The following VTI1A variants were observed in gnomAD, a reference collection of about 807,000 sequenced individuals.
VTI1A encodes vesicle transport through interaction with t-SNAREs 1A.
Under a neutral mutation model 34.9 loss-of-function variants are expected in VTI1A, and 22 were observed. The ratio of observed to expected loss-of-function variants is 0.63; its 90% CI spans 0.45 to 0.90. The LOEUF (loss-of-function observed/expected upper bound fraction) is 0.90, where lower values mean the gene tolerates loss of function less well. Ranked by LOEUF, VTI1A falls within the 40% of genes least tolerant of loss-of-function variation. The pLI, the probability that VTI1A is intolerant of heterozygous loss-of-function variation, is 0.00. For missense variants in VTI1A, 268 were observed against 275.6 expected (o/e 0.97, Z 0.20); for synonymous variants, 87 against 97.3 (o/e 0.89, Z 0.62).
At chr10:112,531,037 G>A (rs2134233661) in intron 4 of VTI1A, among the ~76,000 whole-genome samples, 1 of 149,036 alleles carries the variant, frequency 6.7e-6, no homozygotes, top group East Asian at 2.0e-4. Flanking sequence ...AAAAAATTCG[G>A]TAGTTCTGGG....
At chr10:112,637,411 G>A (rs1029326047) in intron 5 of VTI1A, among the ~76,000 whole-genome samples, 1 of 152,232 alleles carries the variant, frequency 6.6e-6, no homozygotes, top group Non-Finnish European at 1.5e-5. Context: ...GCTCACGCCT[G>A]TAATCCCAGC....
At chr10:112,525,282 CAG>C (rs1036841684) in intron 3 of VTI1A, among the ~76,000 whole-genome samples, 2 of 152,164 alleles carry the variant, frequency 1.3e-5, no homozygotes, top group African/African-American at 4.8e-5. Flanking sequence ...AGACTTACTG[CAG>C]AAGTCAAGGT....
At chr10:112,456,926 G>A (rs550786958) in intron 1 of VTI1A, among the ~76,000 whole-genome samples, 6 of 152,228 alleles carry the variant, frequency 3.9e-5, no homozygotes, top group African/African-American at 1.2e-4. Context: ...CAAGCTGGGT[G>A]GCTCATTTTT....
intron 7 of VTI1A, among the ~76,000 whole-genome samples, chr10:112,778,529 A>G (rs1415883828): frequency 1.3e-5 from 2 of 152,236 alleles, no homozygotes; most frequent in Non-Finnish European, 2.9e-5. Flanking sequence ...TATTCTATAC[A>G]GGACAAAGAG....
At chr10:112,820,812 A>G (rs1359421602), downstream of VTI1A, among the ~76,000 whole-genome samples, 1 of 152,194 alleles carries the variant, frequency 6.6e-6, no homozygotes, top group East Asian at 1.9e-4. Flanking sequence ...GGCAAAAGCA[A>G]GATGGCAGGA....
chr10:112,544,090 T>C (rs143773656), intron 5 of VTI1A, among the ~76,000 whole-genome samples: 6,612 of 152,290 alleles, frequency 0.043, 476 homozygotes, highest in African/African-American at 0.15. Context: ...AGCCTTGTAG[T>C]ATAGTTTGAA....
At chr10:112,740,064 G>T (rs930525244) in intron 7 of VTI1A, among the ~76,000 whole-genome samples, 1 of 152,146 alleles carries the variant, frequency 6.6e-6, no homozygotes, top group African/African-American at 2.4e-5. Flanking sequence ...GAATGGTTTC[G>T]TCATTTTGTT....
At chr10:112,496,185 A>ACACCCCCCC (rs1849011433) in intron 3 of VTI1A, among the ~76,000 whole-genome samples, 1 of 27,838 alleles carries the variant, frequency 3.6e-5, no homozygotes, top group Non-Finnish European at 6.6e-5. Context: ...AAATGGGGAG[A>ACACCCCCCC]CCCCCCCCCC....
At chr10:112,566,247 T>C (rs1390628838) in intron 5 of VTI1A, among the ~76,000 whole-genome samples, 1 of 152,168 alleles carries the variant, frequency 6.6e-6, no homozygotes, top group Non-Finnish European at 1.5e-5. Context: ...TTTATTTCCA[T>C]TCATATTGAG....
At chr10:112,513,504 C>T (rs1448431113) in intron 3 of VTI1A, among the ~76,000 whole-genome samples, 1 of 151,754 alleles carries the variant, frequency 6.6e-6, no homozygotes, top group African/African-American at 2.4e-5. Flanking sequence ...TTACTTCTTC[C>T]TTTTCTGTTA....
At chr10:112,567,410 T>C (rs1047679328) in intron 5 of VTI1A, among the ~76,000 whole-genome samples, 3 of 152,226 alleles carry the variant, frequency 2.0e-5, no homozygotes, top group Non-Finnish European at 2.9e-5. Context: ...TCTTTTTTTA[T>C]GATAATGTGA....
chr10:112,463,488 C>G (rs903630649), intron 2 of VTI1A, among the ~76,000 whole-genome samples: 6 of 152,130 alleles, frequency 3.9e-5, no homozygotes, highest in African/African-American at 7.2e-5. Flanking sequence ...GATTCCAGGA[C>G]TAATAAGTAG....
At chr10:112,836,975 G>A in the VTI1A span, among the ~76,000 whole-genome samples, 1 of 152,206 alleles carries the variant, frequency 6.6e-6, no homozygotes, top group Admixed American at 6.5e-5. Context: ...GAGCCACTTC[G>A]GAGCTCAGGA....
intron 5 of VTI1A, among the ~76,000 whole-genome samples, chr10:112,564,997 G>A (rs1324794806): frequency 1.3e-5 from 2 of 152,004 alleles, no homozygotes; most frequent in African/African-American, 4.8e-5. Flanking sequence ...GGTGGGAGCT[G>A]ATCACCTATG....
chr10:112,811,712 A>AAAAAAAAAAAGAT lies in VTI1A; in HGVS notation c.561-3578_561-3577insAAAAAAAAAAGAT, dbSNP rs67154330. On this transcript the variant is annotated intron_variant, in intron 7 of 7. Coordinates refer to ENST00000393077, the MANE Select transcript of VTI1A (RefSeq NM_145206.4). ...AAAAAAAAAAAAAAAAAAAAAAAAA[A>AAAAAAAAAAAGAT]GAGTGCAGTCCATGCCTGGAAGTAG... 6.1e-3 allele frequency among the ~76,000 whole-genome samples: 511 copies of AAAAAAAAAAAGAT among 84,040 alleles called. 135 individuals carry two copies. Among genetic ancestry groups the AAAAAAAAAAAGAT allele is most frequent in the Admixed American group, 8.1e-3 (56 of 6,924 alleles). The allele number at this position is 84,040 out of a possible 152,430, so 55.1% of individuals were successfully genotyped here.
At chr10:112,563,240 TACAG>T (rs756579182) in intron 5 of VTI1A, among the ~76,000 whole-genome samples, 13 of 152,128 alleles carry the variant, frequency 8.5e-5, no homozygotes, top group Non-Finnish European at 1.9e-4. Context: ...TATATAGTAT[TACAG>T]ACAAAGTATT....
At chr10:112,453,908 TA>T (rs1847333778) in intron 1 of VTI1A, among the ~76,000 whole-genome samples, 1 of 152,222 alleles carries the variant, frequency 6.6e-6, no homozygotes, top group African/African-American at 2.4e-5. Flanking sequence ...ATGTATATAC[TA>T]AGCCATGTAT....
intron 4 of VTI1A, among the ~76,000 whole-genome samples, chr10:112,531,789 T>G (rs1240225033): frequency 6.6e-6 from 1 of 152,144 alleles, no homozygotes; most frequent in Admixed American, 6.5e-5. Context: ...AATTCCCAGA[T>G]CGTCTCTTTC....
chr10:112,562,361 C>T (rs1851752308), intron 5 of VTI1A, among the ~76,000 whole-genome samples: 1 of 152,074 alleles, frequency 6.6e-6, no homozygotes, highest in Non-Finnish European at 1.5e-5. Flanking sequence ...TTCTGCTTGG[C>T]AAATGTTTAT....
Sources: allele counts gnomAD v4.1 joint callset (sites outside exome capture counted in the v4.1 genomes callset), GRCh38; gene constraint gnomAD v4.1.1; transcripts MANE v1.5; gene names NCBI Gene and HGNC (gene_info 2026-07-23, HGNC 2026-07-21).